The following FAM20A variants were observed in gnomAD, a reference collection of about 807,000 sequenced individuals.
FAM20A encodes the protein FAM20A golgi associated secretory pathway pseudokinase, also known as pseudokinase FAM20A.
FAM20A carries 42 observed loss-of-function variants against 52.0 expected under a neutral mutation model. That is an observed-to-expected ratio of 0.81 (90% CI 0.63 to 1.04). The LOEUF (loss-of-function observed/expected upper bound fraction) is 1.04, where lower values mean the gene tolerates loss of function less well. Ranked by LOEUF, FAM20A falls within the 50% of genes least tolerant of loss-of-function variation. The pLI is 0.00. For synonymous variants in FAM20A, 304 were observed against 298.9 expected (o/e 1.02, Z -0.18); for missense variants, 742 against 712.7 (o/e 1.04, Z -0.47).
rs182816928 is a variant in FAM20A, at chr17:68,537,631, G to A, written c.1472C>T (p.Thr491Ile). Residue 491 changes from threonine to isoleucine, a missense_variant, in exon 11 of 11, where the codon ACT (threonine) becomes ATT (isoleucine). By Grantham distance (89) the Thr-to-Ile change is moderately conservative (BLOSUM62 -1). Coordinates refer to ENST00000592554, the MANE Select transcript of FAM20A (RefSeq NM_017565.4). This position sits in a 1 kb window ranked among gnomAD's most constrained non-coding sequence, Gnocchi z 4.2. ...LLEDQLSPVLTEPHLLALDRR... is the reference protein window; with the variant it reads ...LLEDQLSPVLIEPHLLALDRR... ...ATCCAGGGCAAGGAGGTGGGGTTCA[G>A]TGAGGACAGGGCTGAGCTGGTCTTC... The A allele has an allele frequency of 1.1e-4, 181 of 1,613,792 alleles. No individual in the cohort carries two copies. The East Asian group carries it at 3.6e-3, about 32-fold the overall frequency.
At chr17:68,599,410 C>T (rs752642401) in intron 1 of FAM20A, among the ~76,000 whole-genome samples, 3 of 152,198 alleles carry the variant, frequency 2.0e-5, no homozygotes, top group Admixed American at 6.5e-5. Flanking sequence ...GAGCGTGCTG[C>T]CTTCCCTAAC....
intron 4 of FAM20A, among the ~76,000 whole-genome samples, chr17:68,544,461 G>A (rs955450320): frequency 2.6e-5 from 4 of 152,100 alleles, no homozygotes; most frequent in Non-Finnish European, 4.4e-5. Flanking sequence ...ACTTTGCCTC[G>A]AGGCTAATAA....
At chr17:68,582,778 TA>T (rs2088046034) in intron 1 of FAM20A, among the ~76,000 whole-genome samples, 4 of 124,904 alleles carry the variant, frequency 3.2e-5, no homozygotes, top group Non-Finnish European at 5.0e-5. Context: ...GAGCCAGGAT[TA>T]ATTTTTTTTT....
At chr17:68,544,661 G>A (rs1486899994) in intron 4 of FAM20A, among the ~76,000 whole-genome samples, 1 of 152,122 alleles carries the variant, frequency 6.6e-6, no homozygotes, top group East Asian at 1.9e-4. Flanking sequence ...CCACAGTGAG[G>A]TGCTGCCAAA....
intron 1 of FAM20A, chr17:68,575,014 G>C (rs1339194498): frequency 2.6e-5 from 4 of 152,082 alleles, no homozygotes; most frequent in Non-Finnish European, 5.9e-5. Flanking sequence ...ACTGGCATGA[G>C]GTGGCCACTA....
chr17:68,546,647 G>A (rs182226087), intron 4 of FAM20A, among the ~76,000 whole-genome samples: 149 of 152,106 alleles, frequency 9.8e-4, no homozygotes, highest in Middle Eastern at 3.4e-3. Flanking sequence ...TGGCTAACAC[G>A]GTGAAACCCT....
Position 68,535,927 on chromosome 17 carries a change from C to G in FAM20A, c.*1550G>C. ...TAAACCACTAAATTGTGTGATTTTG[C>G]TTACTCTCTCTGAGATTTAAAGTTC... On this transcript the variant is annotated 3_prime_UTR_variant, in exon 11 of 11. Coordinates refer to ENST00000592554, the MANE Select transcript of FAM20A (RefSeq NM_017565.4). 1 of 454,034 alleles carries G rather than the reference C, an allele frequency of 2.2e-6. No homozygotes were observed. The highest frequency in any genetic ancestry group is 1.6e-5 in the South Asian group (1 of 64,472). The allele number at this position is 454,034 out of a possible 1,614,324, so 28.1% of individuals were successfully genotyped here. A position where few individuals can be genotyped will look rare whatever the true frequency, so the allele number is the denominator to read the frequency against.
intron 1 of FAM20A, among the ~76,000 whole-genome samples, chr17:68,592,194 C>T (rs1331336505): frequency 6.6e-6 from 1 of 152,102 alleles, no homozygotes; most frequent in Non-Finnish European, 1.5e-5. Context: ...TAACTTTTCT[C>T]CTATCTGAGT....
rs535079025 is a variant in FAM20A, at chr17:68,537,208, C to T, written c.*269G>A. On this transcript the variant is annotated 3_prime_UTR_variant, in exon 11 of 11. Coordinates refer to ENST00000592554, the MANE Select transcript of FAM20A (RefSeq NM_017565.4). The surrounding 1 kb of genome is among the most constrained non-coding windows in gnomAD (Gnocchi z 4.2). Reference sequence around the variant, plus strand: ...CCAAGCCTGACCTATACCCAGATTTCCCAGTGCACTCAGGAGATCGTCGGT... The same window carrying T: ...CCAAGCCTGACCTATACCCAGATTTTCCAGTGCACTCAGGAGATCGTCGGT... The T allele has an allele frequency of 4.7e-5, 29 of 617,964 alleles. No individual in the cohort carries two copies. Among genetic ancestry groups the T allele is most frequent in the South Asian group, 3.2e-4 (21 of 65,970 alleles). 38.3% of individuals were successfully genotyped at this position (617,964 alleles called of 1,614,324 possible).
At chr17:68,569,245 G>A (rs1246914246) in intron 1 of FAM20A, among the ~76,000 whole-genome samples, 2 of 151,990 alleles carry the variant, frequency 1.3e-5, no homozygotes, top group Non-Finnish European at 2.9e-5. Context: ...TTCCCAAAAT[G>A]TCCCCTGCAT....
chr17:68,559,431 A>G (rs996274503), intron 1 of FAM20A, among the ~76,000 whole-genome samples: 1 of 152,222 alleles, frequency 6.6e-6, no homozygotes, highest in Non-Finnish European at 1.5e-5. Context: ...GAAAAAGTAT[A>G]TATCACAAAA....
intron 1 of FAM20A, among the ~76,000 whole-genome samples, chr17:68,571,997 TATATATATATA>T (rs1207999234): frequency 3.8e-5 from 1 of 26,412 alleles, no homozygotes; most frequent in Non-Finnish European, 6.5e-5. Context: ...CATATATATA[TATATATATATA>T]TATATATATA....
At chr17:68,581,218 G>A (rs910961200) in intron 1 of FAM20A, among the ~76,000 whole-genome samples, 7 of 152,136 alleles carry the variant, frequency 4.6e-5, no homozygotes, top group African/African-American at 1.7e-4. Flanking sequence ...GTGACAGCAT[G>A]GCTCACTAAG....
At position 68,600,437 on chromosome 17, in the gene FAM20A, C is replaced by A. The variant is rs963094141; in HGVS notation, c.230G>T (p.Arg77Leu). ...GTGGCTGCCGCCAGCCGGTTCAGTC[C>A]GGGGCTCGGTTCGGGAAAAGTTGTG... ...IVHNFSRTEP[R>L]TEPAGGSHSG... The change falls in exon 1 of 11, where the codon CGG becomes CTG. Residue 77 changes from arginine (R) to leucine (L), a missense_variant. By Grantham distance (102) the Arg-to-Leu change is moderately radical. Coordinates refer to ENST00000592554, the MANE Select transcript of FAM20A (RefSeq NM_017565.4). This position sits in a 1 kb window ranked among gnomAD's most constrained non-coding sequence, Gnocchi z 6.2. 1.2e-6 allele frequency: 2 copies of A among 1,611,052 alleles called. No individual in the cohort carries two copies. Among genetic ancestry groups the A allele is most frequent in the African/African-American group, 2.7e-5 (2 of 74,860 alleles).
intron 1 of FAM20A, among the ~76,000 whole-genome samples, chr17:68,564,148 G>C (rs1037755996): frequency 9.9e-5 from 15 of 151,922 alleles, no homozygotes; most frequent in African/African-American, 3.6e-4. Flanking sequence ...TGATCCTGCA[G>C]CCCCCCACGA....
chr17:68,572,602 T>A (rs1174456582), intron 1 of FAM20A, among the ~76,000 whole-genome samples: 4 of 152,148 alleles, frequency 2.6e-5, no homozygotes, highest in African/African-American at 9.7e-5. Context: ...CGGCTGCCTG[T>A]GTTCATGATA....
At position 68,600,120 on chromosome 17, in the gene FAM20A, C is replaced by T; in HGVS notation, c.404+143G>A. On this transcript the variant is annotated intron_variant, in intron 1 of 10. Transcript: ENST00000592554. This position sits in a 1 kb window ranked among gnomAD's most constrained non-coding sequence, Gnocchi z 6.2. ...GCTGGTGGGGTTCGGGTGGGGAACA[C>T]ACTCTAAGCCCAGCGCCAGGGCTGG... 3.1e-6 allele frequency: 3 copies of T among 964,756 alleles called. No individual in the cohort carries two copies. Among genetic ancestry groups the T allele is most frequent in the Non-Finnish European group, 4.5e-6 (3 of 668,358 alleles). The allele number at this position is 964,756 out of a possible 1,614,324, so 59.8% of individuals were successfully genotyped here. A position where few individuals can be genotyped will look rare whatever the true frequency, so the allele number is the denominator to read the frequency against.
chr17:68,550,396 TA>T lies in FAM20A; in HGVS notation c.719+1476del, dbSNP rs371608462. 5.5e-3 allele frequency among the ~76,000 whole-genome samples: 755 copies of T among 138,036 alleles called. 31 individuals are homozygous for T. The highest frequency in any genetic ancestry group is 0.02 in the African/African-American group (647 of 32,720). 90.6% of individuals were successfully genotyped at this position (138,036 alleles called of 152,430 possible). A position where few individuals can be genotyped will look rare whatever the true frequency, so the allele number is the denominator to read the frequency against. ...TTTTTTTTTTTTTTTTTTTTTTTTTTAAGATAGAGAGTCTCCCTCTGTTGCC... is the reference window on the plus strand; with the variant it reads ...TTTTTTTTTTTTTTTTTTTTTTTTTTAGATAGAGAGTCTCCCTCTGTTGCC... On this transcript the variant is annotated intron_variant, in intron 4 of 10. Transcript: ENST00000592554.
intron 4 of FAM20A, among the ~76,000 whole-genome samples, chr17:68,545,653 A>G (rs759324743): frequency 1.2e-4 from 18 of 152,236 alleles, no homozygotes; most frequent in Non-Finnish European, 2.4e-4. Flanking sequence ...ATCGATTCAC[A>G]AAAGATGTAT....
Sources: allele counts gnomAD v4.1 joint callset (sites outside exome capture counted in the v4.1 genomes callset), GRCh38; gene constraint gnomAD v4.1.1; non-coding constraint Gnocchi (gnomAD v3.1); transcripts MANE v1.5; gene names NCBI Gene and HGNC (gene_info 2026-07-23, HGNC 2026-07-21).